Variants in PRR5L observed in about 807,000 individuals in gnomAD.
PRR5L encodes the protein proline-rich protein 5-like.
A neutral mutation model predicts 36.4 loss-of-function variants in PRR5L; 21 were observed. That is an observed-to-expected ratio of 0.58 (90% CI 0.41 to 0.83). PRR5L has a LOEUF of 0.83. Ranked by LOEUF, PRR5L falls within the 40% of genes least tolerant of loss-of-function variation. PRR5L has a pLI of 0.00. For synonymous variants in PRR5L, 188 were observed against 197.0 expected (o/e 0.95, Z 0.38); for missense variants, 381 against 473.3 (o/e 0.80, Z 1.81).
chr11:36,358,541 A>T (rs1309220350), intron 1 of PRR5L, among the ~76,000 whole-genome samples: 1 of 152,234 alleles, frequency 6.6e-6, no homozygotes, highest in Non-Finnish European at 1.5e-5. Context: ...AGACTACGGT[A>T]TAGTATAAGC....
intron 1 of PRR5L, among the ~76,000 whole-genome samples, chr11:36,370,073 C>G (rs1287873026): frequency 1.3e-5 from 2 of 152,182 alleles, no homozygotes; most frequent in Non-Finnish European, 2.9e-5. Flanking sequence ...CTGTGACCAA[C>G]TCCTTACCAG....
At chr11:36,454,927 A>T (rs1859021132) in intron 8 of PRR5L, 1 of 152,264 alleles carries the variant, frequency 6.6e-6, no homozygotes, top group African/African-American at 2.4e-5. Context: ...GAGGAAGAGG[A>T]TAGTGAAACT....
intron 1 of PRR5L, among the ~76,000 whole-genome samples, chr11:36,316,164 G>A (rs539300353): frequency 2.0e-4 from 30 of 152,338 alleles, no homozygotes; most frequent in African/African-American, 7.2e-4. Flanking sequence ...CATATGGTCT[G>A]TGTTGCAGTT....
intron 1 of PRR5L, chr11:36,323,281 C>T (rs905325632): frequency 1.3e-5 from 2 of 152,206 alleles, no homozygotes; most frequent in Non-Finnish European, 2.9e-5. Flanking sequence ...GTTCTCGTAT[C>T]ATTGAGTCCC....
intron 1 of PRR5L, chr11:36,376,848 G>A (rs886945419): frequency 1.2e-5 from 6 of 519,074 alleles, no homozygotes; most frequent in Non-Finnish European, 1.2e-5. Flanking sequence ...TGTCACGTTT[G>A]GGGGGGCAAC....
chr11:36,444,983 A>G (rs78781776), intron 6 of PRR5L, among the ~76,000 whole-genome samples: 8,383 of 152,326 alleles, frequency 0.055, 269 homozygotes, highest in Non-Finnish European at 0.071. Flanking sequence ...ATATTGAAGG[A>G]ATAAAACCCA....
chr11:36,351,465 TTATATATACATATATA>T lies in PRR5L; in HGVS notation c.-125-49530_-125-49515del, dbSNP rs1565408051. Among the ~76,000 whole-genome samples the T allele has an allele frequency of 4.7e-3, 260 of 55,400 alleles. 56 individuals carry two copies. Among genetic ancestry groups the T allele is most frequent in the Non-Finnish European group, 5.2e-3 (178 of 34,178 alleles). 36.3% of individuals were successfully genotyped at this position (55,400 alleles called of 152,430 possible). A position where few individuals can be genotyped will look rare whatever the true frequency, so the allele number is the denominator to read the frequency against. ...CATATATATTTATATATTTATATAT[TTATATATACATATATA>T]TTTATATATTTATATATATTTTTAT... On this transcript the variant is annotated intron_variant, in intron 1 of 8. Transcript: ENST00000530639.
At chr11:36,412,243 T>C (rs781748755) in intron 3 of PRR5L, among the ~76,000 whole-genome samples, 7 of 152,132 alleles carry the variant, frequency 4.6e-5, no homozygotes, top group Non-Finnish European at 1.0e-4. Context: ...TCCTTGTATA[T>C]TAAAATTGAG....
At chr11:36,363,936 C>T (rs1404294763) in intron 1 of PRR5L, among the ~76,000 whole-genome samples, 2 of 152,328 alleles carry the variant, frequency 1.3e-5, no homozygotes, top group African/African-American at 2.4e-5. Flanking sequence ...GATGGCTCTG[C>T]CTTCCTCTTA....
intron 1 of PRR5L, among the ~76,000 whole-genome samples, chr11:36,351,058 T>C (rs1206974633): frequency 1.7e-5 from 2 of 118,434 alleles, no homozygotes; most frequent in Non-Finnish European, 3.2e-5. Context: ...TATATGTATT[T>C]TATATATAAA....
chr11:36,348,132 C>T (rs537556949), intron 1 of PRR5L, among the ~76,000 whole-genome samples: 95 of 152,178 alleles, frequency 6.2e-4, no homozygotes, highest in Non-Finnish European at 1.2e-3. Flanking sequence ...CTAACAGCTG[C>T]GGGAGTAGTC....
At chr11:36,403,033 T>C (rs1857830878) in intron 2 of PRR5L, among the ~76,000 whole-genome samples, 2 of 152,234 alleles carry the variant, frequency 1.3e-5, no homozygotes, top group African/African-American at 4.8e-5. Flanking sequence ...TGCCTTTGAC[T>C]GTGGCTGCAC....
rs1426701991 is a variant in PRR5L, at chr11:36,419,348, G to C, written c.294+45G>C. On this transcript the variant is annotated intron_variant, in intron 4 of 8. Transcript: ENST00000530639. ...GCATCCATCATTATCATGCATGTGG[G>C]GGCATGGACCTAAAAGGGGTGGCCA... The C allele has an allele frequency of 2.6e-6, 4 of 1,543,418 alleles. No individual in the cohort carries two copies. In the Admixed American group the frequency reaches 5.0e-5, roughly 19 times the overall value.
chr11:36,420,834 A>ACACACACAC (rs1858247550), intron 4 of PRR5L, among the ~76,000 whole-genome samples: 1 of 139,302 alleles, frequency 7.2e-6, no homozygotes. Context: ...CAGTTGTTTA[A>ACACACACAC]ACACACACAC....
intron 1 of PRR5L, among the ~76,000 whole-genome samples, chr11:36,334,725 A>C (rs770059790): frequency 6.6e-6 from 1 of 152,202 alleles, no homozygotes; most frequent in African/African-American, 2.4e-5. Flanking sequence ...ATTTGATTAC[A>C]TCTTCCTCAT....
chr11:36,397,039 A>G (rs1590531956), intron 1 of PRR5L, among the ~76,000 whole-genome samples: 1 of 151,504 alleles, frequency 6.6e-6, no homozygotes, highest in East Asian at 1.9e-4. Context: ...TAGGTTACCT[A>G]ACTTCTCTGA....
At chr11:36,417,902 G>C (rs907490839) in intron 3 of PRR5L, among the ~76,000 whole-genome samples, 6 of 152,126 alleles carry the variant, frequency 3.9e-5, no homozygotes, top group African/African-American at 7.2e-5. Flanking sequence ...AATCATGAAG[G>C]GTTTACTCAC....
intron 3 of PRR5L, among the ~76,000 whole-genome samples, chr11:36,416,026 A>G (rs145585875): frequency 1.3e-5 from 2 of 152,328 alleles, no homozygotes; most frequent in East Asian, 1.9e-4. Flanking sequence ...TTTGCTTACT[A>G]TGACTTAGAT....
chr11:36,365,779 A>G (rs1183705620), intron 1 of PRR5L, among the ~76,000 whole-genome samples: 1 of 152,206 alleles, frequency 6.6e-6, no homozygotes, highest in East Asian at 1.9e-4. Flanking sequence ...ATTGAAGCAG[A>G]TGTTGAGTGA....
Sources: gnomAD v4.1 joint callset for allele counts (sites outside exome capture counted in the v4.1 genomes callset) on GRCh38, gnomAD v4.1.1 for gene constraint, MANE v1.5 for transcripts, NCBI Gene and HGNC (gene_info 2026-07-23, HGNC 2026-07-21) for gene names.